The following HSPA4 variants were observed in gnomAD, a reference collection of about 807,000 sequenced individuals.
The protein encoded by HSPA4 is heat shock protein family A (Hsp70) member 4.
HSPA4 carries 25 observed loss-of-function variants against 106.2 expected under a neutral mutation model. The ratio of observed to expected loss-of-function variants is 0.24; its 90% CI spans 0.17 to 0.33. The LOEUF (loss-of-function observed/expected upper bound fraction) is 0.33, where lower values mean the gene tolerates loss of function less well. Ranked by LOEUF, HSPA4 falls within the 10% of genes least tolerant of loss-of-function variation. The pLI, the probability that HSPA4 is intolerant of heterozygous loss-of-function variation, is 1.00. For synonymous variants in HSPA4, 332 were observed against 333.6 expected (o/e 1.00, Z 0.05); for missense variants, 841 against 996.0 (o/e 0.84, Z 2.10).
rs75574506 is a variant in HSPA4 at position 133,092,503 on chromosome 5, T to G, written c.1561-197T>G. Among the ~76,000 whole-genome samples the G allele has an allele frequency of 2.7e-4, 41 of 152,282 alleles. No individual in the cohort carries two copies. The East Asian group carries it at 7.9e-3, about 29-fold the overall frequency. ...TAGGGCAGGGCGAGTGTTATCCTCA[T>G]TGTACAGATGTATTAACTAAGATCC... On this transcript the variant is annotated intron_variant, in intron 12 of 18. Transcript: ENST00000304858.
At chr5:133,066,115 C>T (rs914648721) in intron 2 of HSPA4, among the ~76,000 whole-genome samples, 1 of 152,200 alleles carries the variant, frequency 6.6e-6, no homozygotes, top group Non-Finnish European at 1.5e-5. Context: ...GAGCAAATCG[C>T]TCCTGTTTTT....
At chr5:133,068,085 G>A (rs1005815985) in intron 3 of HSPA4, among the ~76,000 whole-genome samples, 1 of 151,822 alleles carries the variant, frequency 6.6e-6, no homozygotes, top group Non-Finnish European at 1.5e-5. Context: ...GTAGAGACGG[G>A]GTTTCACTGT....
intron 3 of HSPA4, 151 bp downstream of exon 3, chr5:133,067,708 A>G (rs1765326000): frequency 9.1e-6 from 6 of 660,078 alleles, no homozygotes; most frequent in Non-Finnish European, 1.3e-5. Flanking sequence ...CTATTTGACA[A>G]TTTTTGAATG....
intron 1 of HSPA4, among the ~76,000 whole-genome samples, chr5:133,064,551 T>C (rs1035355140): frequency 1.3e-5 from 2 of 152,240 alleles, no homozygotes; most frequent in Non-Finnish European, 2.9e-5. Context: ...GAAAAATTAC[T>C]TTTTTACTTA....
chr5:133,065,318 C>T (rs1316535831), intron 2 of HSPA4, among the ~76,000 whole-genome samples: 1 of 152,198 alleles, frequency 6.6e-6, no homozygotes, highest in Non-Finnish European at 1.5e-5. Context: ...GTAACAACTA[C>T]TTACATAGCA....
intron 15 of HSPA4, among the ~76,000 whole-genome samples, chr5:133,099,321 C>T (rs1245406729): frequency 6.6e-6 from 1 of 151,628 alleles, no homozygotes; most frequent in Non-Finnish European, 1.5e-5. Context: ...TTAGTGGAGA[C>T]GGGGTTTCAC....
Position 133,089,078 on chromosome 5 carries a change from C to T in HSPA4, c.1161C>T (p.Phe387=). ...ALQCAILSPA[F]KVREFSITDV... is the part of the protein sequence containing the mutation. ...AGTGTGCCATCTTATCGCCTGCTTT[C>T]AAAGTCAGAGAATTTTCTATCACTG... The change falls in exon 10 of 19, where the codon TTC becomes TTT. Residue 387 remains phenylalanine (F), a synonymous_variant. Coordinates refer to ENST00000304858, the MANE Select transcript of HSPA4 (RefSeq NM_002154.4). 1.3e-6 allele frequency: 2 copies of T among 1,599,258 alleles called. No individual in the cohort carries two copies. The highest frequency in any genetic ancestry group is 1.7e-6 in the Non-Finnish European group (2 of 1,172,716).
chr5:133,062,797 C>A (rs1765259761), intron 1 of HSPA4, among the ~76,000 whole-genome samples: 1 of 152,018 alleles, frequency 6.6e-6, no homozygotes, highest in Non-Finnish European at 1.5e-5. Flanking sequence ...CTGTGGCTGC[C>A]CTGGGAGATT....
intron 11 of HSPA4, 127 bp from the exon 12 acceptor site, chr5:133,091,066 C>T (rs1010848213): frequency 1.4e-5 from 12 of 839,844 alleles, no homozygotes; most frequent in Admixed American, 6.9e-5. Context: ...ACCGATTTTG[C>T]TTATTTTAAG....
intron 2 of HSPA4, among the ~76,000 whole-genome samples, chr5:133,065,250 T>G (rs1279780245): frequency 1.3e-5 from 2 of 152,168 alleles, no homozygotes; most frequent in Non-Finnish European, 2.9e-5. Context: ...ATCAAAAATA[T>G]TTTTGGGAAA....
At position 133,099,195 on chromosome 5, in the gene HSPA4, T is replaced by C. The variant is rs571794856; in HGVS notation, c.1930-350T>C. ...CCCAGGCTGGAGTGCAGTGGCCCCA[T>C]CTTGGGTCACTGCAACCTCCGCCTC... On this transcript the variant is annotated intron_variant, in intron 15 of 18. Transcript: ENST00000304858. 1.1e-4 allele frequency among the ~76,000 whole-genome samples: 16 copies of C among 152,288 alleles called. 1 individual carries two copies. The South Asian group carries it at 3.3e-3, about 32-fold the overall frequency.
chr5:133,066,720 TTTTC>T (rs1362014912), intron 2 of HSPA4, among the ~76,000 whole-genome samples: 4 of 149,678 alleles, frequency 2.7e-5, no homozygotes, highest in Admixed American at 6.7e-5. Context: ...CTGGAATTTT[TTTTC>T]TTTTCTTTTT....
chr5:133,088,318 G>GTTACA, intron 8 of HSPA4, 86 bp from the exon 9 acceptor site: 1 of 949,844 alleles, frequency 1.1e-6, no homozygotes, highest in African/African-American at 1.6e-5. Flanking sequence ...GAGGAGTTTT[G>GTTACA]TTACACATCT....
rs1765663445 is a variant in HSPA4, at chr5:133,092,809, T to TTTTTTG, written c.1650+25_1650+26insGTTTTT. ...ATGGAGGTATGCATTGGGTGGTGTT[T>TTTTTTG]TTTTTTTTTTTTTTTTTTTTTTTTT... On this transcript the variant is annotated intron_variant, in intron 13 of 18. Transcript: ENST00000304858. 1.6e-5 allele frequency: 2 copies of TTTTTTG among 126,148 alleles called. No individual in the cohort carries two copies. Among genetic ancestry groups the TTTTTTG allele is most frequent in the African/African-American group, 4.5e-4 (2 of 4,420 alleles). 7.8% of individuals were successfully genotyped at this position (126,148 alleles called of 1,614,324 possible). A position where few individuals can be genotyped will look rare whatever the true frequency, so the allele number is the denominator to read the frequency against.
intron 2 of HSPA4, 67 bp from the exon 3 acceptor site, chr5:133,067,350 C>A: frequency 1.5e-6 from 2 of 1,319,738 alleles, no homozygotes; most frequent in Non-Finnish European, 2.1e-6. Context: ...CTAATTTAAT[C>A]TGAGGCTGTT....
At chr5:133,064,828 T>C in intron 1 of HSPA4, 152 bp from the exon 2 acceptor site, 1 of 691,318 alleles carries the variant, frequency 1.4e-6, no homozygotes, top group Non-Finnish European at 2.5e-6. Flanking sequence ...ACCTGTTCCA[T>C]GGACAGATTT....
chr5:133,052,288 G>C lies in HSPA4; in HGVS notation c.38G>C (p.Cys13Ser). 1 of 1,597,384 alleles carries C rather than the reference G, an allele frequency of 6.3e-7. No homozygotes were observed. Among genetic ancestry groups the C allele is most frequent in the Non-Finnish European group, 8.5e-7 (1 of 1,174,634 alleles). Residue 13 changes from cysteine (C) to serine (S), a missense_variant, in exon 1 of 19, where the codon TGC (cysteine) becomes TCC (serine). This residue lies in a region of HSPA4 where 347 missense variants were observed against 408.7 expected (regional missense o/e 0.85). Coordinates refer to ENST00000304858, the MANE Select transcript of HSPA4 (RefSeq NM_002154.4). ...VVGIDLGFQS[C>S]YVAVARAGGI... is the part of the protein sequence containing the mutation. Reference sequence around the variant, plus strand: ...GGCATAGACCTGGGCTTCCAGAGCTGCTACGTCGCTGTGGCCCGCGCCGGC... The same window carrying C: ...GGCATAGACCTGGGCTTCCAGAGCTCCTACGTCGCTGTGGCCCGCGCCGGC...
intron 4 of HSPA4, among the ~76,000 whole-genome samples, chr5:133,072,687 G>A (rs1036070721): frequency 4.0e-5 from 6 of 151,686 alleles, no homozygotes; most frequent in African/African-American, 1.5e-4. Context: ...GATTACAGGC[G>A]TGAGCCACCA....
At chr5:133,078,671 T>C (rs1765476432) in intron 7 of HSPA4, among the ~76,000 whole-genome samples, 1 of 151,948 alleles carries the variant, frequency 6.6e-6, no homozygotes, top group South Asian at 2.1e-4. Flanking sequence ...GTACTGTATT[T>C]ACATCATCAG....
Sources: gnomAD v4.1 joint callset for allele counts (sites outside exome capture counted in the v4.1 genomes callset) on GRCh38, gnomAD v4.1.1 for gene constraint, gnomAD v4.1.1 regional missense constraint, MANE v1.5 for transcripts, NCBI Gene and HGNC (gene_info 2026-07-23, HGNC 2026-07-21) for gene names.